The following TBC1D16 variants were observed in gnomAD, a reference collection of about 807,000 sequenced individuals.
The protein encoded by TBC1D16 is CTD-2529O21.1.
In TBC1D16, 58 loss-of-function variants were observed where a neutral mutation model predicts 74.7. The ratio of observed to expected loss-of-function variants is 0.78; its 90% confidence interval spans 0.63 to 0.97. The LOEUF is 0.97. Ranked by LOEUF, TBC1D16 falls within the 50% of genes least tolerant of loss-of-function variation. TBC1D16 has a pLI of 0.00. For synonymous variants in TBC1D16, 493 were observed against 474.7 expected, an observed-to-expected ratio of 1.04 and a Z score of -0.50; for missense variants, 1,014 against 1,079.5, an observed-to-expected ratio of 0.94 and a Z score of 0.85.
rs932223969 is a variant in TBC1D16 at position 79,939,822 on chromosome 17, C to T, written c.*1037G>A. On this transcript the variant is annotated 3_prime_UTR_variant, in exon 12 of 12. Transcript: ENST00000310924. ...TCCGACCACCTGAGAAGCTGACTTACATATCTGAGTTCACAGGTCCTGAAG... is the reference window on the plus strand; with the variant it reads ...TCCGACCACCTGAGAAGCTGACTTATATATCTGAGTTCACAGGTCCTGAAG... 3 of 152,196 alleles carry T rather than the reference C, an allele frequency of 2.0e-5. No homozygotes were observed. The highest frequency in any genetic ancestry group is 2.9e-5 in the Non-Finnish European group (2 of 68,032). 9.4% of individuals were successfully genotyped at this position (152,196 alleles called of 1,614,324 possible). A position where few individuals can be genotyped will look rare whatever the true frequency, so the allele number is the denominator to read the frequency against.
intron 1 of TBC1D16, among the ~76,000 whole-genome samples, chr17:80,027,304 A>G (rs1048018266): frequency 3.9e-5 from 6 of 152,088 alleles, no homozygotes; most frequent in African/African-American, 1.4e-4. Context: ...CTCTACAAAA[A>G]AGCAAAAATT....
In TBC1D16 at chr17:79,956,912, T is replaced by C. The variant is rs2033362352; in HGVS notation, c.780-4094A>G. Among the ~76,000 whole-genome samples the C allele has an allele frequency of 6.6e-6, 1 of 152,208 alleles. No homozygotes were observed. The highest frequency in any genetic ancestry group is 6.5e-5 in the Admixed American group (1 of 15,274). On this transcript the variant is annotated intron_variant, in intron 3 of 11. Coordinates refer to ENST00000310924, the MANE Select transcript of TBC1D16 (RefSeq NM_019020.4). The surrounding 1 kb of genome is among the most constrained non-coding windows in gnomAD (Gnocchi z 4.0). Reference sequence around the variant, plus strand: ...TTGTGAGAGGGTTTAAGCCAACTTCTGCCTGGAGGCACGTTGCTGGGGGAG... The same window carrying C: ...TTGTGAGAGGGTTTAAGCCAACTTCCGCCTGGAGGCACGTTGCTGGGGGAG...
At chr17:80,012,099 C>A (rs150986591) in intron 2 of TBC1D16, among the ~76,000 whole-genome samples, 6 of 152,244 alleles carry the variant, frequency 3.9e-5, no homozygotes, top group Non-Finnish European at 2.9e-5. Flanking sequence ...GGGCCTCCCC[C>A]ACCCACTCTC....
At position 79,975,568 on chromosome 17, in the gene TBC1D16, G is replaced by A. The variant is rs1446492416; in HGVS notation, c.780-22750C>T. Among the ~76,000 whole-genome samples, 3 of 152,202 alleles carry A rather than the reference G, an allele frequency of 2.0e-5. No individual in the cohort carries two copies. The highest frequency in any genetic ancestry group is 4.4e-5 in the Non-Finnish European group (3 of 68,030). On this transcript the variant is annotated intron_variant, in intron 3 of 11. Coordinates refer to ENST00000310924, the MANE Select transcript of TBC1D16 (RefSeq NM_019020.4). The surrounding 1 kb of genome is among the most constrained non-coding windows in gnomAD (Gnocchi z 4.5). ...GGAGACCCAGCTCCTGATTTCAAAG[G>A]ATCAACGAGTGACAGAGGGTTGGGG...
intron 9 of TBC1D16, among the ~76,000 whole-genome samples, chr17:79,946,373 C>T (rs982511222): frequency 3.9e-5 from 6 of 152,246 alleles, no homozygotes; most frequent in Admixed American, 2.0e-4. Context: ...GCTGATCTGA[C>T]GGCAGGTGGA....
rs553496087 is a variant in TBC1D16 at position 79,993,561 on chromosome 17, C to T, written c.779+16599G>A. On this transcript the variant is annotated intron_variant, in intron 3 of 11. Transcript: ENST00000310924. The surrounding 1 kb of genome is among the most constrained non-coding windows in gnomAD (Gnocchi z 5.1). ...AACAGAACCAGCTACGGGAGTCTTT[C>T]GACCGCAAGACAAAAGGTCCTTTGC... 2.6e-5 allele frequency: 4 copies of T among 152,366 alleles called. No homozygotes were observed. The highest frequency in any genetic ancestry group is 1.3e-4 in the Admixed American group (2 of 15,298). 9.4% of individuals were successfully genotyped at this position (152,366 alleles called of 1,614,324 possible).
intron 3 of TBC1D16, among the ~76,000 whole-genome samples, chr17:79,966,399 C>T (rs2033844768): frequency 6.6e-6 from 1 of 152,168 alleles, no homozygotes; most frequent in African/African-American, 2.4e-5. Flanking sequence ...CATGCCCCCA[C>T]TAGATCACAG....
In TBC1D16 at chr17:79,952,796, C is replaced by T. The variant is rs769848927; in HGVS notation, c.802G>A (p.Gly268Ser). 96 of 1,610,536 alleles carry T rather than the reference C, an allele frequency of 6.0e-5. No individual in the cohort carries two copies. In the South Asian group the frequency reaches 6.4e-4, roughly 11 times the overall value. ...CCGTTGCTGTCCGGGAACCGCAGGCCGGCGTCGGAGCTGGACGGGGGGCTG... is the reference window on the plus strand; with the variant it reads ...CCGTTGCTGTCCGGGAACCGCAGGCTGGCGTCGGAGCTGGACGGGGGGCTG... ...DSSPPSSSDA[G>S]LRFPDSNGLL... The change falls in exon 4 of 12, where the codon GGC becomes AGC. Residue 268 changes from glycine to serine, a missense_variant. Transcript: ENST00000310924.
chr17:80,003,496 C>T (rs1257724143), intron 3 of TBC1D16, among the ~76,000 whole-genome samples: 1 of 152,218 alleles, frequency 6.6e-6, no homozygotes, highest in Non-Finnish European at 1.5e-5. Context: ...GCCCTGGAGG[C>T]CTCTTCACTA....
In TBC1D16 at chr17:79,975,368, C is replaced by A. The variant is rs1467780760; in HGVS notation, c.780-22550G>T. The stretch of plus-strand genomic sequence containing the variant: ...AATTTCTGCCAGGTCCTATTCACAC[C>A]CTTGGCCCCAGCTGGCTGTGAGGTT... On this transcript the variant is annotated intron_variant, in intron 3 of 11. Coordinates refer to ENST00000310924, the MANE Select transcript of TBC1D16 (RefSeq NM_019020.4). This position sits in a 1 kb window ranked among gnomAD's most constrained non-coding sequence, Gnocchi z 4.5. 6.6e-6 allele frequency among the ~76,000 whole-genome samples: 1 copy of A among 152,144 alleles called. No individual in the cohort carries two copies. Among genetic ancestry groups the A allele is most frequent in the Non-Finnish European group, 1.5e-5 (1 of 68,018 alleles).
intron 1 of TBC1D16, among the ~76,000 whole-genome samples, chr17:80,020,078 T>C (rs896660270): frequency 1.3e-5 from 2 of 149,486 alleles, no homozygotes; most frequent in Non-Finnish European, 2.9e-5. Flanking sequence ...GAGAGTGCTG[T>C]GTGAATACAA....
rs950415136 is a variant in TBC1D16, at chr17:79,960,271, A to G, written c.780-7453T>C. On this transcript the variant is annotated intron_variant, in intron 3 of 11. Transcript: ENST00000310924. ...AGGTCCTCAAAACAGTAATAAGAAA[A>G]CACAATCCAAACATGGGCAAAAGAT... Among the ~76,000 whole-genome samples, 29 of 152,190 alleles carry G rather than the reference A, an allele frequency of 1.9e-4. 1 individual carries two copies. The highest frequency in any genetic ancestry group is 6.8e-4 in the African/African-American group (28 of 41,456).
chr17:79,944,003 G>T lies in TBC1D16; in HGVS notation c.1908+905C>A, dbSNP rs972288282. On this transcript the variant is annotated intron_variant, in intron 10 of 11. Coordinates refer to ENST00000310924, the MANE Select transcript of TBC1D16 (RefSeq NM_019020.4). This position sits in a 1 kb window ranked among gnomAD's most constrained non-coding sequence, Gnocchi z 7.7. ...ACGTCCAGCAGGCTGAGCCAGGAGG[G>T]AAACCTAGACCCGGGCCAGGGGCGA... 64 of 1,531,098 alleles carry T rather than the reference G, an allele frequency of 4.2e-5. No homozygotes were observed. The African/African-American group carries it at 8.5e-4, about 20-fold the overall frequency. 94.8% of individuals were successfully genotyped at this position (1,531,098 alleles called of 1,614,324 possible).
At chr17:80,024,691 A>C (rs1341621068) in intron 1 of TBC1D16, among the ~76,000 whole-genome samples, 1 of 3,954 alleles carries the variant, frequency 2.5e-4, no homozygotes, top group African/African-American at 8.5e-4. Flanking sequence ...TGCCATAGAC[A>C]CACATGCCAC....
At chr17:80,029,317 G>A (rs1405413528) in intron 1 of TBC1D16, among the ~76,000 whole-genome samples, 1 of 152,138 alleles carries the variant, frequency 6.6e-6, no homozygotes, top group Non-Finnish European at 1.5e-5. Context: ...GGGAGGAGAG[G>A]GGCAGCAGAT....
rs150047565 is a variant in TBC1D16, at chr17:79,977,381, A to G, written c.780-24563T>C. The stretch of plus-strand genomic sequence containing the variant: ...CTCCACCTCCGGGTCTCTGACTCCA[A>G]CGAGGCAGAGACCACCTTCCCTGAC... On this transcript the variant is annotated intron_variant, in intron 3 of 11. Coordinates refer to ENST00000310924, the MANE Select transcript of TBC1D16 (RefSeq NM_019020.4). Among the ~76,000 whole-genome samples, 572 of 152,310 alleles carry G rather than the reference A, an allele frequency of 3.8e-3. 3 individuals are homozygous for G. The highest frequency in any genetic ancestry group is 6.2e-3 in the Admixed American group (95 of 15,310).
intron 2 of TBC1D16, among the ~76,000 whole-genome samples, chr17:80,012,167 C>G (rs2035920198): frequency 6.6e-6 from 1 of 152,212 alleles, no homozygotes; most frequent in Admixed American, 6.5e-5. Context: ...GTTGCCAAAA[C>G]AGGCTGGGAA....
rs1204996845 is a variant in TBC1D16 at position 80,035,589 on chromosome 17, C to G, written c.-63+206G>C. On this transcript the variant is annotated intron_variant, in intron 1 of 11. Transcript: ENST00000310924. The surrounding 1 kb of genome is among the most constrained non-coding windows in gnomAD (Gnocchi z 5.3). ...GGTGCCCCTCCGTGATCCAGGTCCT[C>G]CCACAACGCTCCCGCTCCTGCTGGC... Among the ~76,000 whole-genome samples the G allele has an allele frequency of 6.6e-6, 1 of 151,884 alleles. No individual in the cohort carries two copies. The highest frequency in any genetic ancestry group is 6.5e-5 in the Admixed American group (1 of 15,268).
At chr17:80,034,463 A>C (rs1481944034) in intron 1 of TBC1D16, among the ~76,000 whole-genome samples, 3 of 152,138 alleles carry the variant, frequency 2.0e-5, no homozygotes, top group African/African-American at 7.2e-5. Flanking sequence ...CGTCCTCCCA[A>C]AGTGCTGGGA....
Sources: allele counts gnomAD v4.1 joint callset (sites outside exome capture counted in the v4.1 genomes callset), GRCh38; gene constraint gnomAD v4.1.1; non-coding constraint Gnocchi (gnomAD v3.1); transcripts MANE v1.5; gene names NCBI Gene and HGNC (gene_info 2026-07-23, HGNC 2026-07-21).